The following PPARGC1A variants were observed in gnomAD, a reference collection of about 807,000 sequenced individuals.
PPARGC1A encodes the protein peroxisome proliferator-activated receptor gamma coactivator 1-alpha.
In PPARGC1A, 25 loss-of-function variants were observed where a neutral mutation model predicts 88.7. That is an observed-to-expected ratio of 0.28 (90% CI 0.21 to 0.39). PPARGC1A has a LOEUF of 0.39. Ranked by LOEUF, PPARGC1A falls within the 10% of genes least tolerant of loss-of-function variation. The pLI is 1.00. For synonymous variants in PPARGC1A, 363 were observed against 355.6 expected (o/e 1.02, Z -0.24); for missense variants, 880 against 968.7 (o/e 0.91, Z 1.22).
chr4:24,181,618 C>T, the PPARGC1A span, among the ~76,000 whole-genome samples: 11 of 152,266 alleles, frequency 7.2e-5, no homozygotes, highest in African/African-American at 2.6e-4. Flanking sequence ...GTACAAAAAT[C>T]ACACAGCCTT....
At chr4:23,931,442 T>C in the PPARGC1A span, among the ~76,000 whole-genome samples, 3 of 152,132 alleles carry the variant, frequency 2.0e-5, no homozygotes, top group Admixed American at 6.5e-5. Context: ...GACTTTTTTT[T>C]TTACTTCCAG....
chr4:23,868,693 G>C (rs1712599926), intron 2 of PPARGC1A, among the ~76,000 whole-genome samples: 1 of 152,226 alleles, frequency 6.6e-6, no homozygotes, highest in Non-Finnish European at 1.5e-5. Context: ...TTCACTTTGT[G>C]CCAAAGACGG....
the PPARGC1A span, among the ~76,000 whole-genome samples, chr4:24,207,169 T>A: frequency 6.6e-6 from 1 of 152,158 alleles, no homozygotes; most frequent in Non-Finnish European, 1.5e-5. Context: ...TGGGAGATCC[T>A]GTTCACTCAT....
the PPARGC1A span, among the ~76,000 whole-genome samples, chr4:24,050,963 A>G: frequency 9.7e-4 from 147 of 152,128 alleles, 1 homozygote; most frequent in Admixed American, 7.2e-3. Flanking sequence ...CAAGGTGGGC[A>G]GATCATGAGG....
At chr4:23,833,178 T>TA (rs1207547933) in intron 2 of PPARGC1A, among the ~76,000 whole-genome samples, 1 of 152,180 alleles carries the variant, frequency 6.6e-6, no homozygotes, top group African/African-American at 2.4e-5. Flanking sequence ...CAGTACTCTG[T>TA]AAAAAATGTT....
chr4:23,831,069 T>C (rs1724917399), intron 3 of PPARGC1A, among the ~76,000 whole-genome samples: 1 of 152,046 alleles, frequency 6.6e-6, no homozygotes, highest in Non-Finnish European at 1.5e-5. Context: ...AAACTAAATA[T>C]CCACCCATAA....
the PPARGC1A span, among the ~76,000 whole-genome samples, chr4:23,952,766 C>T: frequency 1.2e-3 from 182 of 152,182 alleles, no homozygotes; most frequent in African/African-American, 4.0e-3. Context: ...ATTAGTTTCA[C>T]GCCAAGTCTC....
At chr4:24,309,377 A>G in the PPARGC1A span, among the ~76,000 whole-genome samples, 1 of 152,138 alleles carries the variant, frequency 6.6e-6, no homozygotes, top group Non-Finnish European at 1.5e-5. Context: ...GAAGTGAGAA[A>G]GATTGGAACC....
At chr4:24,283,347 C>T in the PPARGC1A span, among the ~76,000 whole-genome samples, 1 of 152,198 alleles carries the variant, frequency 6.6e-6, no homozygotes, top group Non-Finnish European at 1.5e-5. Flanking sequence ...TCCCTGCTTC[C>T]CCTTTCTCAC....
chr4:24,330,644 T>G, the PPARGC1A span, among the ~76,000 whole-genome samples: 3 of 152,132 alleles, frequency 2.0e-5, no homozygotes, highest in Non-Finnish European at 2.9e-5. Flanking sequence ...AGCCACTAGA[T>G]TGTGGGGAGG....
chr4:24,316,640 C>T, the PPARGC1A span, among the ~76,000 whole-genome samples: 4 of 152,336 alleles, frequency 2.6e-5, no homozygotes, highest in South Asian at 2.1e-4. Flanking sequence ...ACTCTTGGCT[C>T]TGCCATTTAC....
chr4:24,133,520 G>C, the PPARGC1A span, among the ~76,000 whole-genome samples: 18 of 152,132 alleles, frequency 1.2e-4, no homozygotes, highest in Non-Finnish European at 2.5e-4. Context: ...ATTTTGTTTC[G>C]TTATCACGTC....
chr4:23,844,482 T>A (rs13114573), intron 2 of PPARGC1A, among the ~76,000 whole-genome samples: 15 of 26,854 alleles, frequency 5.6e-4, no homozygotes, highest in African/African-American at 1.8e-3. Context: ...ATTAATATAT[T>A]ATAATAATCA....
chr4:24,074,349 A>C, the PPARGC1A span, among the ~76,000 whole-genome samples: 29 of 148,892 alleles, frequency 1.9e-4, no homozygotes, highest in African/African-American at 7.5e-4. Flanking sequence ...TATACTTACA[A>C]TTTGCCATGA....
chr4:24,256,797 G>A, the PPARGC1A span, among the ~76,000 whole-genome samples: 1 of 152,158 alleles, frequency 6.6e-6, no homozygotes, highest in African/African-American at 2.4e-5. Context: ...GATTTCTTCA[G>A]AGGTCATTGT....
chr4:24,225,063 T>C, the PPARGC1A span, among the ~76,000 whole-genome samples: 1 of 151,976 alleles, frequency 6.6e-6, no homozygotes, highest in African/African-American at 2.4e-5. Context: ...CAGAGACAAT[T>C]TGAAGATCAC....
chr4:24,188,605 G>A, the PPARGC1A span, among the ~76,000 whole-genome samples: 1 of 152,074 alleles, frequency 6.6e-6, no homozygotes, highest in Non-Finnish European at 1.5e-5. Context: ...TAACCACCTT[G>A]CACCCATAAG....
the PPARGC1A span, among the ~76,000 whole-genome samples, chr4:24,416,404 G>A: frequency 4.6e-5 from 7 of 152,112 alleles, no homozygotes. Context: ...AGAGAGGCAC[G>A]GGACCATGTG....
the PPARGC1A span, among the ~76,000 whole-genome samples, chr4:24,287,666 A>ACACACACACAC: frequency 1.4e-5 from 2 of 138,530 alleles, no homozygotes; most frequent in South Asian, 2.5e-4. Flanking sequence ...ACACACACAC[A>ACACACACACAC]ACTGCACTCA....
Sources: allele counts gnomAD v4.1 joint callset (sites outside exome capture counted in the v4.1 genomes callset), GRCh38; gene constraint gnomAD v4.1.1; transcripts MANE v1.5; gene names NCBI Gene and HGNC (gene_info 2026-07-23, HGNC 2026-07-21).